The following SPATA13 variants were observed in gnomAD, a reference collection of about 807,000 sequenced individuals.
The protein encoded by SPATA13 is spermatogenesis-associated protein 13.
In SPATA13, 50 loss-of-function variants were observed where a neutral mutation model predicts 104.0. That is an observed-to-expected ratio of 0.48 (90% confidence interval 0.38 to 0.61). The LOEUF is 0.61. Among genes scored for constraint, SPATA13 ranks in the 20% least tolerant of loss-of-function variants. The pLI is 0.00. For missense variants in SPATA13, 1,524 were observed against 1,690.6 expected (o/e 0.90, Z 1.73); for synonymous variants, 606 against 667.5 (o/e 0.91, Z 1.42).
chr13:23,987,001 CTG>C (rs113990315), intron 2 of SPATA13, among the ~76,000 whole-genome samples: 2,354 of 141,488 alleles, frequency 0.017, 45 homozygotes, highest in Admixed American at 0.044. Context: ...ATGGATATAT[CTG>C]TGTGTGTGTG....
chr13:24,019,081 A>ATTC (rs1876843706), intron 3 of SPATA13, among the ~76,000 whole-genome samples: 1 of 133,682 alleles, frequency 7.5e-6, no homozygotes, highest in African/African-American at 2.8e-5. Flanking sequence ...GATTCTTATT[A>ATTC]TTATTATTAT....
intron 2 of SPATA13, among the ~76,000 whole-genome samples, chr13:24,242,499 G>A (rs1264678173): frequency 6.6e-6 from 1 of 152,214 alleles, no homozygotes; most frequent in Admixed American, 6.5e-5. Context: ...GTCATGTCTA[G>A]TGCTGGCCTT....
intron 1 of SPATA13, among the ~76,000 whole-genome samples, chr13:24,211,984 T>C (rs1871043850): frequency 1.3e-5 from 2 of 152,206 alleles, no homozygotes; most frequent in Admixed American, 6.5e-5. Flanking sequence ...AGCTCTCTGA[T>C]GGCTGAACCT....
chr13:24,251,917 T>A (rs1873513024), intron 4 of SPATA13, 55 bp downstream of exon 4: 1 of 1,561,224 alleles, frequency 6.4e-7, no homozygotes, highest in Admixed American at 1.9e-5. Flanking sequence ...TCTGACCGTT[T>A]CCAGCTAACC....
Position 24,263,998 on chromosome 13 carries a change from T to C in SPATA13, c.2164+12136T>C, listed in dbSNP as rs569525798. Reference sequence around the variant, plus strand: ...ATGGCCTTTAGTGCCCAAAACCATATTGTCTGCAAGTCTTGGAGATTGTAT... The same window carrying C: ...ATGGCCTTTAGTGCCCAAAACCATACTGTCTGCAAGTCTTGGAGATTGTAT... On this transcript the variant is annotated intron_variant, in intron 4 of 12. Coordinates refer to ENST00000382108, the MANE Select transcript of SPATA13 (RefSeq NM_001166271.3). Among the ~76,000 whole-genome samples, 27 of 152,338 alleles carry C rather than the reference T, an allele frequency of 1.8e-4. No homozygotes were observed. The South Asian group carries it at 3.9e-3, about 22-fold the overall frequency.
intron 11 of SPATA13, among the ~76,000 whole-genome samples, chr13:24,298,213 T>C (rs1472616592): frequency 6.6e-6 from 1 of 152,176 alleles, no homozygotes; most frequent in African/African-American, 2.4e-5. Context: ...ACCCAGGCTA[T>C]CAGAAGTATC....
At chr13:24,280,229 AG>A (rs1256971302) in intron 4 of SPATA13, among the ~76,000 whole-genome samples, 3 of 152,194 alleles carry the variant, frequency 2.0e-5, no homozygotes, top group Non-Finnish European at 4.4e-5. Flanking sequence ...CAGTATTTCC[AG>A]TCCGTGTCTC....
At chr13:23,980,197 A>G (rs1874813043) in intron 1 of SPATA13, among the ~76,000 whole-genome samples, 1 of 152,060 alleles carries the variant, frequency 6.6e-6, no homozygotes, top group African/African-American at 2.4e-5. Flanking sequence ...AAAAAAAAGA[A>G]GAAAAGAAAA....
intron 3 of SPATA13, among the ~76,000 whole-genome samples, chr13:24,097,312 C>T (rs1022826): frequency 6.6e-6 from 1 of 151,950 alleles, no homozygotes; most frequent in Non-Finnish European, 1.5e-5. Flanking sequence ...AAATGAGAAG[C>T]TAAATAATTT....
chr13:24,080,632 A>G (rs776363379), intron 3 of SPATA13, among the ~76,000 whole-genome samples: 2 of 152,166 alleles, frequency 1.3e-5, no homozygotes, highest in South Asian at 2.1e-4. Context: ...TTAAATTTAC[A>G]GGTAGATCTG....
chr13:24,054,255 A>G (rs537641375), intron 3 of SPATA13, among the ~76,000 whole-genome samples: 16 of 152,346 alleles, frequency 1.1e-4, no homozygotes, highest in African/African-American at 3.8e-4. Context: ...TTAGCCAGGA[A>G]AAGGGAAGAA....
chr13:23,987,282 T>A (rs555782324), intron 2 of SPATA13, among the ~76,000 whole-genome samples: 1 of 152,288 alleles, frequency 6.6e-6, no homozygotes, highest in South Asian at 2.1e-4. Context: ...CATGGCTAGC[T>A]ATTAGAATAT....
chr13:24,303,399 A>C lies in SPATA13; in HGVS notation c.*626A>C. The C allele has an allele frequency of 5.0e-6, 1 of 201,446 alleles. No individual in the cohort carries two copies. The allele number at this position is 201,446 out of a possible 1,614,324, so 12.5% of individuals were successfully genotyped here. A position where few individuals can be genotyped will look rare whatever the true frequency, so the allele number is the denominator to read the frequency against. On this transcript the variant is annotated 3_prime_UTR_variant, in exon 13 of 13. Coordinates refer to ENST00000382108, the MANE Select transcript of SPATA13 (RefSeq NM_001166271.3). The stretch of plus-strand genomic sequence containing the variant: ...TGCAAGGTTCCTCTTCCTGCAAGCA[A>C]AGTGGAGAGAAAGAAGATGCATCTG...
At chr13:24,297,950 T>C (rs189791456) in intron 11 of SPATA13, among the ~76,000 whole-genome samples, 168 of 152,354 alleles carry the variant, frequency 1.1e-3, no homozygotes, top group African/African-American at 3.8e-3. Flanking sequence ...ATTTATTCAG[T>C]ATTTACCTTG....
chr13:24,119,476 T>G (rs7987967), intron 3 of SPATA13, among the ~76,000 whole-genome samples: 22,485 of 152,164 alleles, frequency 0.15, 2,335 homozygotes, highest in East Asian at 0.32. Flanking sequence ...TGTTTTTCAG[T>G]GGGTCCAGAC....
Position 24,039,050 on chromosome 13 carries a change from T to C in SPATA13, c.-112+21349T>C, listed in dbSNP as rs532917070. Among the ~76,000 whole-genome samples the C allele has an allele frequency of 7.2e-5, 11 of 152,286 alleles. No homozygotes were observed. The South Asian group carries it at 1.0e-3, about 14-fold the overall frequency. ...CTATCAGAGACGATTAAAAAAGTTA[T>C]TGTTTACACCACCACAAACCAGAGT... On this transcript the variant is annotated intron_variant, in intron 3 of 14. Coordinates refer to the SPATA13 transcript ENST00000424834.
At chr13:24,185,599 A>G (rs1869093792) in intron 1 of SPATA13, among the ~76,000 whole-genome samples, 1 of 152,222 alleles carries the variant, frequency 6.6e-6, no homozygotes, top group South Asian at 2.1e-4. Flanking sequence ...GTCTCATTTC[A>G]GAAATCTTAA....
At chr13:24,020,183 T>G (rs4770551) in intron 3 of SPATA13, among the ~76,000 whole-genome samples, 150,343 of 152,284 alleles carry the variant, frequency 0.99, 74,239 homozygotes, top group Middle Eastern at 1. Flanking sequence ...TTTGGATTTT[T>G]TTGAGATCTG....
chr13:24,295,235 G>A (rs971018468), intron 10 of SPATA13, among the ~76,000 whole-genome samples: 2 of 152,054 alleles, frequency 1.3e-5, no homozygotes, highest in Non-Finnish European at 2.9e-5. Flanking sequence ...AATCCTGTAT[G>A]ATCTGGCCAA....
Sources: gnomAD v4.1 joint callset for allele counts (sites outside exome capture counted in the v4.1 genomes callset) on GRCh38, gnomAD v4.1.1 for gene constraint, MANE v1.5 for transcripts, NCBI Gene and HGNC (gene_info 2026-07-23, HGNC 2026-07-21) for gene names.